CLEC12A: variants seen among roughly 807,000 people sequenced by gnomAD.
The protein encoded by CLEC12A is C-type lectin protein CLL-1.
Under a neutral mutation model 26.5 loss-of-function variants are expected in CLEC12A, and 22 were observed. The observed-to-expected ratio is 0.83, with a 90% CI of 0.59 to 1.19. The LOEUF (loss-of-function observed/expected upper bound fraction) is 1.19, where lower values mean the gene tolerates loss of function less well. CLEC12A is among the 50% of genes most tolerant of loss of function. The probability of loss-of-function intolerance (pLI) is 0.00; values close to 1 mark genes in which losing one functional copy is unlikely to be tolerated. For missense variants in CLEC12A, 353 were observed against 315.6 expected (o/e 1.12, Z -0.90); for synonymous variants, 119 against 101.9 (o/e 1.17, Z -1.01).
downstream of CLEC12A, chr12:9,986,223 C>T (rs750189345): frequency 2.6e-5 from 11 of 423,146 alleles, no homozygotes; most frequent in African/African-American, 1.0e-4. Context: ...GCAATTTGTG[C>T]GTCAGAACAG....
chr12:9,980,456 A>C, intron 3 of CLEC12A, 126 bp from the exon 4 acceptor site: 4 of 1,015,932 alleles, frequency 3.9e-6, no homozygotes, highest in Non-Finnish European at 5.7e-6. Flanking sequence ...AAAGGGGGAA[A>C]GAGAGAAAGA....
At chr12:9,962,957 C>T (rs1433124221) in intron 1 of CLEC12A, among the ~76,000 whole-genome samples, 8 of 152,128 alleles carry the variant, frequency 5.3e-5, no homozygotes, top group African/African-American at 1.9e-4. Context: ...TTTCTCAGGG[C>T]TGCTTCCAGC....
intron 1 of CLEC12A, among the ~76,000 whole-genome samples, chr12:9,972,976 G>A (rs1163882872): frequency 1.3e-5 from 2 of 151,896 alleles, no homozygotes; most frequent in South Asian, 2.1e-4. Context: ...TCCACCTTAA[G>A]TTCCCACCAC....
intron 4 of CLEC12A, chr12:9,991,965 A>T (rs1307736703): frequency 6.6e-6 from 1 of 152,120 alleles, no homozygotes; most frequent in African/African-American, 2.4e-5. Flanking sequence ...GTGTCTCCTC[A>T]GTCTTCCCAC....
At chr12:9,976,732 T>C (rs1864352148) in intron 1 of CLEC12A, among the ~76,000 whole-genome samples, 1 of 152,166 alleles carries the variant, frequency 6.6e-6, no homozygotes, top group Non-Finnish European at 1.5e-5. Flanking sequence ...ATGGTTTGGC[T>C]GTGTCCACAC....
chr12:9,980,515 G>A (rs1864514486), intron 3 of CLEC12A, 67 bp from the exon 4 acceptor site: 8 of 1,425,202 alleles, frequency 5.6e-6, no homozygotes. Context: ...ACACAGAGAG[G>A]AAAGGAAATA....
chr12:9,958,861 A>G (rs898495507), intron 1 of CLEC12A, among the ~76,000 whole-genome samples: 1 of 152,182 alleles, frequency 6.6e-6, no homozygotes, highest in Admixed American at 6.5e-5. Flanking sequence ...TAGATTAAGT[A>G]AATTTACTAA....
At chr12:9,993,484 A>T (rs1193995881) in intron 4 of CLEC12A, among the ~76,000 whole-genome samples, 6 of 152,074 alleles carry the variant, frequency 3.9e-5, no homozygotes, top group Admixed American at 3.9e-4. Context: ...TAAAAAGCCC[A>T]ATATCAATTT....
intron 1 of CLEC12A, among the ~76,000 whole-genome samples, chr12:9,953,547 C>T (rs1275672736): frequency 4.0e-5 from 6 of 151,896 alleles, no homozygotes; most frequent in Non-Finnish European, 7.4e-5. Context: ...AAGTGAGGAG[C>T]CCCTCTGCCT....
At chr12:10,003,843 G>A in the CLEC12A span, among the ~76,000 whole-genome samples, 1 of 152,182 alleles carries the variant, frequency 6.6e-6, no homozygotes, top group Non-Finnish European at 1.5e-5. Context: ...TTGAGCCCAG[G>A]AGGCAGAGGT....
upstream of CLEC12A, among the ~76,000 whole-genome samples, chr12:9,967,749 C>A (rs769445181): frequency 4.0e-5 from 6 of 149,524 alleles, no homozygotes; most frequent in Non-Finnish European, 7.4e-5. Flanking sequence ...TCTTGCCCCC[C>A]AGAAAAGCAG....
chr12:9,977,799 G>A (rs1864396575), intron 1 of CLEC12A, among the ~76,000 whole-genome samples: 1 of 151,986 alleles, frequency 6.6e-6, no homozygotes, highest in South Asian at 2.1e-4. Flanking sequence ...TGCTCACTTT[G>A]ATATTGTTAG....
intron 4 of CLEC12A, among the ~76,000 whole-genome samples, chr12:9,994,465 A>T (rs1864981183): frequency 6.6e-6 from 1 of 152,132 alleles, no homozygotes; most frequent in East Asian, 1.9e-4. Flanking sequence ...TTTGGTTATC[A>T]GTTTAAATTT....
upstream of CLEC12A, chr12:9,971,317 T>A (rs1033229478): frequency 1.3e-6 from 1 of 797,756 alleles, no homozygotes; most frequent in African/African-American, 1.8e-5. Flanking sequence ...GGTAAATATA[T>A]AGAAATTGAG....
chr12:9,954,675 G>A (rs1863714089), intron 1 of CLEC12A, among the ~76,000 whole-genome samples: 1 of 152,206 alleles, frequency 6.6e-6, no homozygotes, highest in Non-Finnish European at 1.5e-5. Context: ...ATCTTTGTGT[G>A]TATGTAGGTA....
downstream of CLEC12A, chr12:9,986,221 T>C: frequency 2.3e-6 from 1 of 433,568 alleles, no homozygotes; most frequent in South Asian, 1.6e-5. Context: ...GAGCAATTTG[T>C]GCGTCAGAAC....
chr12:9,998,411 C>T (rs772221592), downstream of CLEC12A: 3 of 1,545,758 alleles, frequency 1.9e-6, no homozygotes, highest in African/African-American at 4.1e-5. Flanking sequence ...CATCAAGGAG[C>T]AGGCAGTATG....
rs1462479665 is a variant in CLEC12A, at chr12:9,976,330, G to A, written c.92-2636G>A. 2.0e-5 allele frequency among the ~76,000 whole-genome samples: 3 copies of A among 152,196 alleles called. No individual in the cohort carries two copies. In the East Asian group the frequency reaches 5.8e-4, roughly 29 times the overall value. ...GGAGACTGTACCTTGCAAAGCCACAGGAGCAGAGCTGCCCAAAGACATGGG... is the reference window on the plus strand; with the variant it reads ...GGAGACTGTACCTTGCAAAGCCACAAGAGCAGAGCTGCCCAAAGACATGGG... On this transcript the variant is annotated intron_variant, in intron 1 of 5. Transcript: ENST00000304361.
chr12:9,953,601 C>T (rs1331995623), intron 1 of CLEC12A, among the ~76,000 whole-genome samples: 25 of 150,538 alleles, frequency 1.7e-4, no homozygotes, highest in Non-Finnish European at 3.0e-4. Flanking sequence ...GGTCAGCCCC[C>T]TGCCCGGCCA....
Sources: gnomAD v4.1 joint callset for allele counts (sites outside exome capture counted in the v4.1 genomes callset) on GRCh38, gnomAD v4.1.1 for gene constraint, MANE v1.5 for transcripts, NCBI Gene and HGNC (gene_info 2026-07-23, HGNC 2026-07-21) for gene names.